Variants in STK26 observed in about 807,000 individuals in gnomAD.
STK26 encodes serine/threonine kinase 26, also known as serine/threonine-protein kinase 26.
STK26 carries 14 observed loss-of-function variants against 34.7 expected under a neutral mutation model. That is an observed-to-expected ratio of 0.40 (90% CI 0.27 to 0.63). The LOEUF is 0.63. STK26 is among the 30% of genes least tolerant of loss of function. The pLI, the probability that STK26 is intolerant of heterozygous loss-of-function variation, is 0.38. For synonymous variants in STK26, 100 were observed against 109.8 expected (o/e 0.91, Z 0.56); for missense variants, 226 against 309.1 (o/e 0.73, Z 2.02).
intron 4 of STK26, among the ~76,000 whole-genome samples, chrX:132,067,563 G>C (rs1420915344): frequency 1.8e-5 from 2 of 111,474 alleles, no homozygotes; most frequent in African/African-American, 6.5e-5. Flanking sequence ...ACAGGGATGG[G>C]GAAATAAAGG....
intron 3 of STK26, among the ~76,000 whole-genome samples, chrX:132,059,768 A>T: frequency 9.1e-6 from 1 of 110,045 alleles, no homozygotes; most frequent in Non-Finnish European, 1.9e-5. Context: ...CCTCCCACCC[A>T]CCATCACCAG....
chrX:132,072,235 C>T, intron 8 of STK26, 33 bp from the exon 9 acceptor site: 1 of 1,093,338 alleles, frequency 9.1e-7, no homozygotes, highest in Non-Finnish European at 1.3e-6. Context: ...ATCATTTGGG[C>T]ACTTATAGAG....
At chrX:132,050,498 G>A (rs1043524337) in intron 2 of STK26, among the ~76,000 whole-genome samples, 2 of 111,174 alleles carry the variant, frequency 1.8e-5, no homozygotes, top group African/African-American at 6.6e-5. Flanking sequence ...TCGACCCTGC[G>A]GAACCCACAT....
chrX:132,056,635 C>T (rs755671042), intron 3 of STK26, among the ~76,000 whole-genome samples: 4 of 111,455 alleles, frequency 3.6e-5, no homozygotes, highest in Non-Finnish European at 7.5e-5. Flanking sequence ...ATGAGTGATG[C>T]CCATGGAGTG....
intron 2 of STK26, among the ~76,000 whole-genome samples, chrX:132,043,226 C>T (rs182816006): frequency 1.1e-3 from 123 of 111,770 alleles, no homozygotes; most frequent in Non-Finnish European, 1.8e-3. Context: ...CATGATAGTT[C>T]GATATTTGCT....
intron 3 of STK26, among the ~76,000 whole-genome samples, chrX:132,058,884 GA>G (rs1209182687): frequency 2.7e-5 from 3 of 110,424 alleles, no homozygotes; most frequent in African/African-American, 9.9e-5. Flanking sequence ...TTTGTGTTCT[GA>G]ATCTATTTAA....
chrX:132,075,555 A>G lies in STK26; in HGVS notation c.*1396A>G, dbSNP rs1046674049. 1 of 111,746 alleles carries G rather than the reference A, an allele frequency of 8.9e-6. No individual in the cohort carries two copies. The highest frequency in any genetic ancestry group is 3.2e-5 in the African/African-American group (1 of 30,871). The allele number at this position is 111,746 out of a possible 1,213,427, so 9.2% of individuals were successfully genotyped here. A position where few individuals can be genotyped will look rare whatever the true frequency, so the allele number is the denominator to read the frequency against. Reference sequence around the variant, plus strand: ...TTAATTTACATAATACAGATACTTGAGAAAGTTGTTGTGGTGTTGTATGCC... The same window carrying G: ...TTAATTTACATAATACAGATACTTGGGAAAGTTGTTGTGGTGTTGTATGCC... On this transcript the variant is annotated 3_prime_UTR_variant, in exon 12 of 12. Transcript: ENST00000394334.
intron 2 of STK26, among the ~76,000 whole-genome samples, chrX:132,039,031 CA>C (rs978801386): frequency 2.0e-4 from 22 of 110,675 alleles, no homozygotes; most frequent in South Asian, 3.8e-4. Context: ...AACAAACAAA[CA>C]AAAAAACACT....
chrX:132,068,657 C>G, intron 6 of STK26, 88 bp downstream of exon 6: 1 of 936,429 alleles, frequency 1.1e-6, no homozygotes, highest in South Asian at 3.1e-5. Flanking sequence ...CCTTATTTTT[C>G]CTTGTTTCAC....
At chrX:132,056,758 G>T (rs777233823) in intron 3 of STK26, among the ~76,000 whole-genome samples, 5 of 112,672 alleles carry the variant, frequency 4.4e-5, no homozygotes, top group African/African-American at 6.5e-5. Flanking sequence ...GCTGCACAGA[G>T]CTACAGTGGC....
chrX:132,058,750 A>C (rs1366361255), intron 3 of STK26, among the ~76,000 whole-genome samples: 1 of 111,618 alleles, frequency 9.0e-6, no homozygotes, highest in Non-Finnish European at 1.9e-5. Context: ...TAAGGGATTA[A>C]ATCAAATTAT....
rs1927289427 is a variant in STK26, at chrX:132,068,342, T to C, written c.439+19T>C. On this transcript the variant is annotated intron_variant, in intron 5 of 11. Transcript: ENST00000394334. ...ATAAAAGGTATACAAAAGTCTAATA[T>C]GAACCTGAGAAAAATAGAAGCATTC... 2 of 1,194,753 alleles carry C rather than the reference T, an allele frequency of 1.7e-6. No individual in the cohort carries two copies. The highest frequency in any genetic ancestry group is 1.8e-5 in the African/African-American group (1 of 55,881).
chrX:132,074,235 AAC>A lies in STK26; in HGVS notation c.*77_*78del, dbSNP rs1209232960. 3 of 1,027,155 alleles carry A rather than the reference AAC, an allele frequency of 2.9e-6. No individual in the cohort carries two copies. The African/African-American group carries it at 5.7e-5, about 20-fold the overall frequency. The allele number at this position is 1,027,155 out of a possible 1,213,427, so 84.6% of individuals were successfully genotyped here. A position where few individuals can be genotyped will look rare whatever the true frequency, so the allele number is the denominator to read the frequency against. ...ACCTACGTCAAGATTAACAATGCTT[AAC>A]CCATGAGCTCCATGTGCCTTTTGGA... On this transcript the variant is annotated 3_prime_UTR_variant, in exon 12 of 12. Transcript: ENST00000394334.
At chrX:132,027,916 C>T (rs764638091) in intron 2 of STK26, among the ~76,000 whole-genome samples, 35 of 108,078 alleles carry the variant, frequency 3.2e-4, no homozygotes, top group Admixed American at 3.2e-3. Flanking sequence ...AGTGCAGTGG[C>T]GCGATCACAG....
rs181805052 is a variant in STK26 at position 132,071,218 on chromosome X, G to A, written c.932+1G>A. 3.3e-6 allele frequency: 4 copies of A among 1,204,973 alleles called. No homozygotes were observed. Among genetic ancestry groups the A allele is most frequent in the Non-Finnish European group, 3.4e-6 (3 of 892,237 alleles). On this transcript the variant is annotated splice_donor_variant, in intron 8 of 11. Coordinates refer to ENST00000394334, the MANE Select transcript of STK26 (RefSeq NM_016542.4). LOFTEE classifies it high-confidence loss of function. ...AATCTGATTCCGAGGGCTCTGATTC[G>A]TATGTACAAATTATTTAATTTTTAT...
chrX:132,044,796 TAG>T lies in STK26; in HGVS notation c.43-9827_43-9826del, dbSNP rs1374000983. On this transcript the variant is annotated intron_variant, in intron 2 of 11. Coordinates refer to ENST00000394334, the MANE Select transcript of STK26 (RefSeq NM_016542.4). ...AGATCTATATATATATTTATATATA[TAG>T]AGAGAGATCTATATATATATTTATA... 2.8e-4 allele frequency among the ~76,000 whole-genome samples: 10 copies of T among 35,341 alleles called. 1 individual carries two copies. Among genetic ancestry groups the T allele is most frequent in the African/African-American group, 1.3e-3 (9 of 6,873 alleles). The allele number at this position is 35,341 out of a possible 115,157, so 30.7% of individuals were successfully genotyped here.
rs756340109 is a variant in STK26 at position 132,066,689 on chromosome X, A to G, written c.331-1526A>G. ...GCAGATAAGCTCATGAATCTTTGGG[A>G]TCCCCTTTTTGTTGTTTTTACTTAA... On this transcript the variant is annotated intron_variant, in intron 4 of 11. Transcript: ENST00000394334. Among the ~76,000 whole-genome samples, 251 of 112,220 alleles carry G rather than the reference A, an allele frequency of 2.2e-3. 1 individual carries two copies. Among genetic ancestry groups the G allele is most frequent in the African/African-American group, 7.7e-3 (239 of 30,979 alleles).
At chrX:132,072,015 G>A (rs989807124) in intron 8 of STK26, among the ~76,000 whole-genome samples, 3 of 111,656 alleles carry the variant, frequency 2.7e-5, no homozygotes, top group Non-Finnish European at 3.8e-5. Flanking sequence ...AATAGGTGGG[G>A]AGTAGTGAGG....
At chrX:132,065,167 G>A (rs942216918) in intron 4 of STK26, among the ~76,000 whole-genome samples, 6 of 111,324 alleles carry the variant, frequency 5.4e-5, no homozygotes, top group African/African-American at 2.0e-4. Context: ...CACCACTGAT[G>A]TTTCTTTGTG....
Sources: gnomAD v4.1 joint callset for allele counts (sites outside exome capture counted in the v4.1 genomes callset) on GRCh38, gnomAD v4.1.1 for gene constraint, MANE v1.5 for transcripts, NCBI Gene and HGNC (gene_info 2026-07-23, HGNC 2026-07-21) for gene names.